Variants in ZNF396 observed in about 807,000 individuals in gnomAD.
The protein encoded by ZNF396 is zinc finger and SCAN domain-containing protein 14.
ZNF396 carries 14 observed loss-of-function variants against 20.5 expected under a neutral mutation model. The ratio of observed to expected loss-of-function variants is 0.68; its 90% CI spans 0.45 to 1.07. The LOEUF (loss-of-function observed/expected upper bound fraction) is 1.07, where lower values mean the gene tolerates loss of function less well. Ranked by LOEUF, ZNF396 falls within the 50% of genes least tolerant of loss-of-function variation. ZNF396 has a pLI of 0.00. For missense variants in ZNF396, 347 were observed against 390.1 expected (o/e 0.89, Z 0.93); for synonymous variants, 119 against 140.6 (o/e 0.85, Z 1.08).
rs924773183 is a variant in ZNF396 at position 35,374,213 on chromosome 18, A to C, written c.80T>G (p.Met27Arg). 1 of 1,614,208 alleles carries C rather than the reference A, an allele frequency of 6.2e-7. No individual in the cohort carries two copies. ...ATCACAGGTCTGCTCTTCCTCTTCC[A>C]TCTTCTCTGTCAGAATCCCATTACA... ...EECNGILTEK[M>R]EEEEQTCDPD... Residue 27 changes from methionine to arginine, a missense_variant, in exon 2 of 4, where the codon ATG (methionine) becomes AGG (arginine). Transcript: ENST00000589332. The surrounding 1 kb of genome is among the most constrained non-coding windows in gnomAD (Gnocchi z 4.3).
intron 3 of ZNF396, among the ~76,000 whole-genome samples, chr18:35,371,085 A>G (rs1184316442): frequency 1.3e-5 from 2 of 152,194 alleles, no homozygotes. Flanking sequence ...TAGTGATGCA[A>G]TGTGATACTG....
rs373001435 is a variant in ZNF396, at chr18:35,375,373, T to C, written c.-72-1009A>G. On this transcript the variant is annotated intron_variant, in intron 1 of 3. Transcript: ENST00000589332. ...ATTTCTATTTTTTTCCATATCCATA[T>C]TACTTACTTAACTATTTTAAAATAC... 2.2e-4 allele frequency among the ~76,000 whole-genome samples: 33 copies of C among 152,284 alleles called. No homozygotes were observed. The South Asian group carries it at 6.8e-3, about 32-fold the overall frequency.
rs1457976029 is a variant in ZNF396, at chr18:35,368,662, G to A, written c.*553C>T. 6.6e-6 allele frequency: 5 copies of A among 755,286 alleles called. No homozygotes were observed. Among genetic ancestry groups the A allele is most frequent in the Non-Finnish European group, 8.1e-6 (5 of 618,570 alleles). The allele number at this position is 755,286 out of a possible 1,614,324, so 46.8% of individuals were successfully genotyped here. A position where few individuals can be genotyped will look rare whatever the true frequency, so the allele number is the denominator to read the frequency against. On this transcript the variant is annotated 3_prime_UTR_variant, in exon 4 of 4. Transcript: ENST00000589332. ...AGACGGGGTTTCGCCGTGTTGTCCA[G>A]GCTGGTCTTGAACTCCTGAGTTCAG... is the stretch of plus-strand genomic sequence containing the variant.
Position 35,373,458 on chromosome 18 carries a change from T to A in ZNF396, c.560A>T (p.His187Leu). 1 of 1,613,324 alleles carries A rather than the reference T, an allele frequency of 6.2e-7. No individual in the cohort carries two copies. Among genetic ancestry groups the A allele is most frequent in the Non-Finnish European group, 8.5e-7 (1 of 1,179,664 alleles). The change falls in exon 3 of 4, where the codon CAT becomes CTT. Residue 187 changes from histidine (H) to leucine (L), a missense_variant and splice_region_variant. Transcript: ENST00000589332. Reference sequence around the variant, plus strand: ...TGAACTGAATCCTGCCCCCTCACCATGTGGTCTTAAGGACTGAAGCTCCCA... The same window carrying A: ...TGAACTGAATCCTGCCCCCTCACCAAGTGGTCTTAAGGACTGAAGCTCCCA... Reference protein sequence around the residue: ...ASWELQSLRPHDEDIKTTNVK... With the variant: ...ASWELQSLRPLDEDIKTTNVK...
At chr18:35,370,027 G>C (rs1567954525) in intron 3 of ZNF396, among the ~76,000 whole-genome samples, 2 of 152,144 alleles carry the variant, frequency 1.3e-5, no homozygotes, top group African/African-American at 4.8e-5. Flanking sequence ...ACAAGATTTA[G>C]TACTGGAGTA....
chr18:35,374,005 C>T lies in ZNF396; in HGVS notation c.288G>A (p.Val96=), dbSNP rs1274476810. The part of the protein sequence containing the change: ...HTKEQILELL[V]LEQFLAILPK... ...GGAGGATGGCCAGGAACTGCTCCAGCACCAGCAGCTCCAGGATCTGCTCCT... is the reference window on the plus strand; with the variant it reads ...GGAGGATGGCCAGGAACTGCTCCAGTACCAGCAGCTCCAGGATCTGCTCCT... Residue 96 remains valine (V), a synonymous_variant, in exon 2 of 4, where the codon GTG becomes GTA. Coordinates refer to ENST00000589332, the MANE Select transcript of ZNF396 (RefSeq NM_001322286.2). This position sits in a 1 kb window ranked among gnomAD's most constrained non-coding sequence, Gnocchi z 4.3. The T allele has an allele frequency of 6.2e-7, 1 of 1,614,132 alleles. No individual in the cohort carries two copies. The highest frequency in any genetic ancestry group is 1.7e-5 in the Admixed American group (1 of 60,016).
rs386387385 is a variant in ZNF396, at chr18:35,375,287, CAAA to C, written c.-72-926_-72-924del. On this transcript the variant is annotated intron_variant, in intron 1 of 3. Coordinates refer to ENST00000589332, the MANE Select transcript of ZNF396 (RefSeq NM_001322286.2). ...TAATGGGACCCCATCTCTACCCCACCAAAAAAAAAAAAAAAAGAAAAAACAACA... is the reference window on the plus strand; with the variant it reads ...TAATGGGACCCCATCTCTACCCCACCAAAAAAAAAAAAAGAAAAAACAACA... 3.9e-4 allele frequency among the ~76,000 whole-genome samples: 13 copies of C among 33,552 alleles called. 1 individual carries two copies. The highest frequency in any genetic ancestry group is 9.0e-4 in the Admixed American group (3 of 3,340). The allele number at this position is 33,552 out of a possible 152,430, so 22.0% of individuals were successfully genotyped here. A position where few individuals can be genotyped will look rare whatever the true frequency, so the allele number is the denominator to read the frequency against.
intron 3 of ZNF396, 95 bp downstream of exon 3, chr18:35,373,361 G>A (rs760250701): frequency 7.1e-7 from 1 of 1,415,630 alleles, no homozygotes; most frequent in Admixed American, 2.4e-5. Context: ...ATGAGAGGGG[G>A]AGATTTGAGG....
In ZNF396 at chr18:35,367,996, C is replaced by T. The variant is rs541416152; in HGVS notation, c.*1219G>A. On this transcript the variant is annotated 3_prime_UTR_variant, in exon 4 of 4. Coordinates refer to ENST00000589332, the MANE Select transcript of ZNF396 (RefSeq NM_001322286.2). ...GAAAAGGGGACACTGAAAGTATTGT[C>T]ATCAGCAGTTACGGGCTTCCTCTTC... is the stretch of plus-strand genomic sequence containing the variant. The T allele has an allele frequency of 4.4e-5, 7 of 157,328 alleles. No homozygotes were observed. The highest frequency in any genetic ancestry group is 1.4e-4 in the African/African-American group (6 of 41,808). The allele number at this position is 157,328 out of a possible 1,614,324, so 9.7% of individuals were successfully genotyped here. A position where few individuals can be genotyped will look rare whatever the true frequency, so the allele number is the denominator to read the frequency against.
chr18:35,375,549 G>C (rs2045245325), intron 1 of ZNF396, among the ~76,000 whole-genome samples: 1 of 151,966 alleles, frequency 6.6e-6, no homozygotes, highest in African/African-American at 2.4e-5. Context: ...ATTCTGTCTT[G>C]CTATGTATTA....
rs780973619 is a variant in ZNF396, at chr18:35,369,360, A to T, written c.863T>A (p.Phe288Tyr). Reference sequence around the variant, plus strand: ...CTGAATCAGAATTGCGCTTCGGCTGAATGCCTTTGCACACTCGTCACATGC... The same window carrying T: ...CTGAATCAGAATTGCGCTTCGGCTGTATGCCTTTGCACACTCGTCACATGC... ...PYACDECAKA[F>Y]SRSAILIQHR... Residue 288 changes from phenylalanine to tyrosine, a missense_variant, in exon 4 of 4, where the codon TTC becomes TAC. By Grantham distance (22) the Phe-to-Tyr change is conservative. Transcript: ENST00000589332. The T allele has an allele frequency of 6.2e-7, 1 of 1,614,220 alleles. No individual in the cohort carries two copies. Among genetic ancestry groups the T allele is most frequent in the Non-Finnish European group, 8.5e-7 (1 of 1,180,044 alleles).
Position 35,368,384 on chromosome 18 carries a change from C to T in ZNF396, c.*831G>A. 6.8e-7 allele frequency: 1 copy of T among 1,460,800 alleles called. No homozygotes were observed. Among genetic ancestry groups the T allele is most frequent in the Non-Finnish European group, 9.1e-7 (1 of 1,099,950 alleles). The allele number at this position is 1,460,800 out of a possible 1,614,324, so 90.5% of individuals were successfully genotyped here. A position where few individuals can be genotyped will look rare whatever the true frequency, so the allele number is the denominator to read the frequency against. ...CTCCTGAAAGTGACCTGGGGCACTT[C>T]AGCCTAGTCTTGAAGTACATATTCT... On this transcript the variant is annotated 3_prime_UTR_variant, in exon 4 of 4. Transcript: ENST00000589332.
In ZNF396 at chr18:35,374,244, C is replaced by T. The variant is rs370565271; in HGVS notation, c.49G>A (p.Glu17Lys). 13 of 1,614,182 alleles carry T rather than the reference C, an allele frequency of 8.1e-6. No homozygotes were observed. The African/African-American group carries it at 1.6e-4, about 20-fold the overall frequency. ...TCTGTCAGAATCCCATTACACTCCT[C>T]TGAAGTTTGTGTTAGGAGTGATGAT... ...KSSSLLTQTS[E>K]ECNGILTEKM... Residue 17 changes from glutamate (E) to lysine (K), a missense_variant, in exon 2 of 4, where the codon GAG becomes AAG. Glu to Lys is a moderately conservative substitution (Grantham distance 56). Transcript: ENST00000589332. This position sits in a 1 kb window ranked among gnomAD's most constrained non-coding sequence, Gnocchi z 4.3.
Position 35,368,801 on chromosome 18 carries a change from C to T in ZNF396, c.*414G>A. 1.0e-6 allele frequency: 1 copy of T among 992,944 alleles called. No homozygotes were observed. Among genetic ancestry groups the T allele is most frequent in the Non-Finnish European group, 1.2e-6 (1 of 835,408 alleles). The allele number at this position is 992,944 out of a possible 1,614,324, so 61.5% of individuals were successfully genotyped here. On this transcript the variant is annotated 3_prime_UTR_variant, in exon 4 of 4. Transcript: ENST00000589332. ...ATTTTTGGTCTTTAGAATTCTAGTG[C>T]TCAAGTTATGAAATGGAGGAGAATG...
chr18:35,371,328 G>T (rs998571541), intron 3 of ZNF396, among the ~76,000 whole-genome samples: 1 of 151,972 alleles, frequency 6.6e-6, no homozygotes, highest in African/African-American at 2.4e-5. Flanking sequence ...AATCAAATGG[G>T]TCTAAATAGT....
In ZNF396 at chr18:35,367,147, A is replaced by G. The variant is rs1424330759; in HGVS notation, c.*2068T>C. On this transcript the variant is annotated 3_prime_UTR_variant, in exon 4 of 4. Coordinates refer to ENST00000589332, the MANE Select transcript of ZNF396 (RefSeq NM_001322286.2). ...GTTCCTCTCCGTAATTACAAAGACA[A>G]TGAGCCCCAAATAAAAAGTATCCTA... The G allele has an allele frequency of 2.6e-5, 4 of 152,232 alleles. No individual in the cohort carries two copies. Among genetic ancestry groups the G allele is most frequent in the Non-Finnish European group, 5.9e-5 (4 of 68,036 alleles). The allele number at this position is 152,232 out of a possible 1,614,324, so 9.4% of individuals were successfully genotyped here.
At position 35,369,603 on chromosome 18, in the gene ZNF396, C is replaced by T; in HGVS notation, c.620G>A (p.Gly207Asp). The T allele has an allele frequency of 6.2e-7, 1 of 1,611,570 alleles. No individual in the cohort carries two copies. Among genetic ancestry groups the T allele is most frequent in the Non-Finnish European group, 8.5e-7 (1 of 1,179,440 alleles). Residue 207 changes from glycine (G) to aspartate (D), a missense_variant, in exon 4 of 4, where the codon GGC (glycine) becomes GAC (aspartate). Physicochemically the swap from Gly to Asp is moderately conservative, Grantham distance 94. Transcript: ENST00000589332. ...GGAAACATTGCAATGCAGTTCTATG[C>T]CTAAAGAAGTCTTTTGCCTTGAAGC... ...KSASRQKTSL[G>D]IELHCNVSNI... is the part of the protein sequence containing the mutation.
rs566770838 is a variant in ZNF396, at chr18:35,373,518, A to T, written c.500T>A (p.Leu167His). The T allele has an allele frequency of 6.2e-7, 1 of 1,614,140 alleles. No homozygotes were observed. The highest frequency in any genetic ancestry group is 1.3e-5 in the African/African-American group (1 of 75,034). Residue 167 changes from leucine (L) to histidine (H), a missense_variant, in exon 3 of 4, where the codon CTC becomes CAC. By Grantham distance (99) the Leu-to-His change is moderately conservative (BLOSUM62 -3). Coordinates refer to ENST00000589332, the MANE Select transcript of ZNF396 (RefSeq NM_001322286.2). ...CTGGAGCTGCTTCTTCACGGGCATG[A>T]GCTGGCTACTTGGCAATTCCTCAGT... ...EITEELPSSQ[L>H]MPVKKQLQGA...
rs529479214 is a variant in ZNF396 at position 35,375,079 on chromosome 18, G to T, written c.-72-715C>A. ...ATAGTCTCATGAGGGAAGCACTTTT[G>T]TGTGACTTTTTTCAGCTTTTACTGT... On this transcript the variant is annotated intron_variant, in intron 1 of 3. Transcript: ENST00000589332. Among the ~76,000 whole-genome samples, 4 of 152,142 alleles carry T rather than the reference G, an allele frequency of 2.6e-5. No individual in the cohort carries two copies. In the South Asian group the frequency reaches 8.3e-4, roughly 32 times the overall value.
Sources: allele counts gnomAD v4.1 joint callset (sites outside exome capture counted in the v4.1 genomes callset), GRCh38; gene constraint gnomAD v4.1.1; non-coding constraint Gnocchi (gnomAD v3.1); transcripts MANE v1.5; gene names NCBI Gene and HGNC (gene_info 2026-07-23, HGNC 2026-07-21).